The following ARHGAP15 variants were observed in gnomAD, a reference collection of about 807,000 sequenced individuals.
The protein encoded by ARHGAP15 is Rho GTPase activating protein 15.
Under a neutral mutation model 63.7 loss-of-function variants are expected in ARHGAP15, and 51 were observed. That is an observed-to-expected ratio of 0.80 (90% CI 0.64 to 1.01). The LOEUF (loss-of-function observed/expected upper bound fraction) is 1.01, where lower values mean the gene tolerates loss of function less well. Ranked by LOEUF, ARHGAP15 falls within the 50% of genes least tolerant of loss-of-function variation. The probability of loss-of-function intolerance (pLI) is 0.00; values close to 1 mark genes in which losing one functional copy is unlikely to be tolerated. For synonymous variants in ARHGAP15, 191 were observed against 193.8 expected (o/e 0.99, Z 0.12); for missense variants, 560 against 564.6 (o/e 0.99, Z 0.08).
At chr2:143,640,045 G>C (rs574779863) in intron 12 of ARHGAP15, among the ~76,000 whole-genome samples, 40 of 152,194 alleles carry the variant, frequency 2.6e-4, no homozygotes, top group African/African-American at 9.1e-4. Flanking sequence ...TCTCTACTGA[G>C]TTAAATACAC....
chr2:143,745,866 T>C (rs1465189695), intron 13 of ARHGAP15, among the ~76,000 whole-genome samples: 3 of 152,268 alleles, frequency 2.0e-5, no homozygotes, highest in African/African-American at 4.8e-5. Flanking sequence ...CAAGGCTAAG[T>C]GAGTGCCCAG....
intron 13 of ARHGAP15, among the ~76,000 whole-genome samples, chr2:143,743,572 CCT>C (rs1686047091): frequency 6.6e-6 from 1 of 152,148 alleles, no homozygotes; most frequent in African/African-American, 2.4e-5. Context: ...ACTCCTGTGG[CCT>C]CTCTCTGCCA....
At chr2:143,324,959 T>C (rs930715675) in intron 6 of ARHGAP15, among the ~76,000 whole-genome samples, 15 of 152,180 alleles carry the variant, frequency 9.9e-5, no homozygotes, top group Admixed American at 9.8e-4. Context: ...ATATTCAAAA[T>C]TAGATTCATT....
intron 11 of ARHGAP15, among the ~76,000 whole-genome samples, chr2:143,617,429 G>A (rs1025669874): frequency 7.2e-5 from 11 of 152,096 alleles, no homozygotes; most frequent in East Asian, 1.9e-4. Flanking sequence ...TTAAGGTATC[G>A]GTAAGTTGAT....
At chr2:143,656,453 A>G (rs1319584580) in intron 12 of ARHGAP15, among the ~76,000 whole-genome samples, 1 of 152,192 alleles carries the variant, frequency 6.6e-6, no homozygotes, top group East Asian at 1.9e-4. Context: ...CCTTCCTTAT[A>G]TCCCACTCCA....
intron 5 of ARHGAP15, among the ~76,000 whole-genome samples, chr2:143,245,794 A>C (rs764475816): frequency 6.6e-6 from 1 of 152,170 alleles, no homozygotes; most frequent in Non-Finnish European, 1.5e-5. Context: ...GGGCAGAAGG[A>C]GTATCTCTTC....
intron 10 of ARHGAP15, among the ~76,000 whole-genome samples, chr2:143,549,047 A>G (rs1298790166): frequency 6.6e-6 from 1 of 152,180 alleles, no homozygotes; most frequent in Admixed American, 6.6e-5. Context: ...ATCAACCTAT[A>G]CTTCCAACAT....
intron 13 of ARHGAP15, among the ~76,000 whole-genome samples, chr2:143,754,312 G>A (rs556265885): frequency 1.2e-4 from 18 of 152,252 alleles, no homozygotes; most frequent in African/African-American, 2.6e-4. Flanking sequence ...TTGTGCTTAC[G>A]GCATTTATAT....
intron 12 of ARHGAP15, among the ~76,000 whole-genome samples, chr2:143,672,157 A>G (rs906963061): frequency 2.6e-5 from 4 of 152,208 alleles, no homozygotes; most frequent in Non-Finnish European, 2.9e-5. Context: ...TATTTGGAAC[A>G]AATTGGTAGA....
At chr2:143,532,527 CT>C (rs375203083) in intron 10 of ARHGAP15, among the ~76,000 whole-genome samples, 191 of 152,152 alleles carry the variant, frequency 1.3e-3, no homozygotes, top group African/African-American at 4.1e-3. Flanking sequence ...ACTAGGTAAA[CT>C]AGTGGAAATG....
intron 13 of ARHGAP15, among the ~76,000 whole-genome samples, chr2:143,764,466 G>T (rs1686881886): frequency 6.6e-6 from 1 of 152,106 alleles, no homozygotes; most frequent in Admixed American, 6.6e-5. Flanking sequence ...GCCCTGCTCT[G>T]GTTTCCAAGA....
At chr2:143,450,470 A>G (rs1024437786) in intron 8 of ARHGAP15, among the ~76,000 whole-genome samples, 3 of 151,924 alleles carry the variant, frequency 2.0e-5, no homozygotes, top group Non-Finnish European at 4.4e-5. Context: ...ATATTAGAAC[A>G]TCTGTGTTGT....
intron 11 of ARHGAP15, among the ~76,000 whole-genome samples, chr2:143,565,319 AC>A (rs1406066146): frequency 6.6e-6 from 1 of 152,138 alleles, no homozygotes; most frequent in Non-Finnish European, 1.5e-5. Context: ...TAAGAAAAAA[AC>A]ATCAATTTTA....
At chr2:143,725,324 T>G (rs2105471999) in intron 13 of ARHGAP15, among the ~76,000 whole-genome samples, 1 of 152,340 alleles carries the variant, frequency 6.6e-6, no homozygotes, top group South Asian at 2.1e-4. Flanking sequence ...TCTTTTTAAC[T>G]GACATTTTGG....
chr2:143,610,043 G>C (rs1057500625), intron 11 of ARHGAP15, among the ~76,000 whole-genome samples: 1 of 152,098 alleles, frequency 6.6e-6, no homozygotes, highest in Non-Finnish European at 1.5e-5. Context: ...AAGAACCACA[G>C]TATGGTTCTT....
chr2:143,767,934 C>G lies in ARHGAP15; in HGVS notation c.1245-55C>G, dbSNP rs920633847. The G allele has an allele frequency of 1.0e-5, 16 of 1,531,292 alleles. No homozygotes were observed. The Admixed American group carries it at 2.9e-4, about 28-fold the overall frequency. 94.9% of individuals were successfully genotyped at this position (1,531,292 alleles called of 1,614,324 possible). A position where few individuals can be genotyped will look rare whatever the true frequency, so the allele number is the denominator to read the frequency against. Reference sequence around the variant, plus strand: ...ACCTTTTTTAATCACTCCAAAGTAGCCATAACTTCACTTCAAACTCCAGTG... The same window carrying G: ...ACCTTTTTTAATCACTCCAAAGTAGGCATAACTTCACTTCAAACTCCAGTG... On this transcript the variant is annotated intron_variant, in intron 13 of 13. Transcript: ENST00000295095.
intron 8 of ARHGAP15, among the ~76,000 whole-genome samples, chr2:143,462,739 A>G (rs1036611212): frequency 3.3e-5 from 5 of 152,244 alleles, no homozygotes; most frequent in Admixed American, 6.5e-5. Flanking sequence ...TGGGTTCAAC[A>G]GAGAAGCAGT....
chr2:143,296,441 T>C (rs1371780830), intron 6 of ARHGAP15, among the ~76,000 whole-genome samples: 1 of 152,046 alleles, frequency 6.6e-6, no homozygotes, highest in Non-Finnish European at 1.5e-5. Context: ...AAGTAGTTTT[T>C]CAATGTAATA....
At chr2:143,358,341 G>A (rs556938443) in intron 6 of ARHGAP15, among the ~76,000 whole-genome samples, 2 of 152,122 alleles carry the variant, frequency 1.3e-5, no homozygotes, top group Admixed American at 1.3e-4. Flanking sequence ...CAAGTTATCT[G>A]TCTTGTCCCT....
Sources: gnomAD v4.1 joint callset for allele counts (sites outside exome capture counted in the v4.1 genomes callset) on GRCh38, gnomAD v4.1.1 for gene constraint, MANE v1.5 for transcripts, NCBI Gene and HGNC (gene_info 2026-07-23, HGNC 2026-07-21) for gene names.